ZNF503: variants seen among roughly 807,000 people sequenced by gnomAD.
The protein encoded by ZNF503 is NocA-like zinc finger 2.
Under a neutral mutation model 34.4 loss-of-function variants are expected in ZNF503, and 15 were observed. That is an observed-to-expected ratio of 0.44 (90% CI 0.29 to 0.67). The LOEUF is 0.67. Among genes scored for constraint, ZNF503 ranks in the 30% least tolerant of loss-of-function variants. ZNF503 has a pLI of 0.13. For synonymous variants in ZNF503, 580 were observed against 456.8 expected (o/e 1.27, Z -3.44); for missense variants, 1,007 against 926.8 (o/e 1.09, Z -1.12).
chr10:75,327,950 A>AATT, the ZNF503 span, among the ~76,000 whole-genome samples: 18 of 151,804 alleles, frequency 1.2e-4, no homozygotes, highest in South Asian at 6.2e-4. Flanking sequence ...AAATAATAAT[A>AATT]ATTATTATTA....
the ZNF503 span, among the ~76,000 whole-genome samples, chr10:75,350,848 C>T: frequency 6.6e-6 from 1 of 152,204 alleles, no homozygotes; most frequent in African/African-American, 2.4e-5. Context: ...GCCACCGCGT[C>T]CAGCCTGGCA....
At position 75,398,476 on chromosome 10, in the gene ZNF503, T is replaced by C. The variant is rs1589132738; in HGVS notation, c.*273A>G. 1 of 351,278 alleles carries C rather than the reference T, an allele frequency of 2.8e-6. No individual in the cohort carries two copies. Among genetic ancestry groups the C allele is most frequent in the Non-Finnish European group, 5.1e-6 (1 of 196,884 alleles). The allele number at this position is 351,278 out of a possible 1,614,324, so 21.8% of individuals were successfully genotyped here. On this transcript the variant is annotated 3_prime_UTR_variant, in exon 2 of 2. Coordinates refer to ENST00000372524, the MANE Select transcript of ZNF503 (RefSeq NM_032772.6). ...CCTCAGATGAACACTTTCTCAATTA[T>C]TTTTTCCTTTTTTTTTCTATAAAAA...
chr10:75,284,738 A>G, the ZNF503 span, among the ~76,000 whole-genome samples: 3 of 152,166 alleles, frequency 2.0e-5, no homozygotes, highest in African/African-American at 7.2e-5. Flanking sequence ...AGCGATTTCC[A>G]TGGGTGTGGT....
chr10:75,333,126 T>C, the ZNF503 span, among the ~76,000 whole-genome samples: 122 of 121,126 alleles, frequency 1.0e-3, no homozygotes, highest in African/African-American at 3.7e-3. Context: ...ACCTCCCTCC[T>C]GGACGGGGCG....
the ZNF503 span, among the ~76,000 whole-genome samples, chr10:75,285,601 GTCC>G: frequency 6.6e-6 from 1 of 152,220 alleles, no homozygotes. Context: ...ACGTGGGTGA[GTCC>G]TCCTGATTCC....
At chr10:75,390,406 TTCC>T in the ZNF503 span, among the ~76,000 whole-genome samples, 1 of 148,988 alleles carries the variant, frequency 6.7e-6, no homozygotes, top group African/African-American at 2.5e-5. Flanking sequence ...CCTCCTCCTC[TTCC>T]TTTTTCTCCT....
At chr10:75,328,896 G>T in the ZNF503 span, among the ~76,000 whole-genome samples, 3 of 151,822 alleles carry the variant, frequency 2.0e-5, no homozygotes, top group South Asian at 6.2e-4. Context: ...ACAGGCACAT[G>T]TCACCACGCC....
the ZNF503 span, among the ~76,000 whole-genome samples, chr10:75,308,488 A>C: frequency 1.3e-5 from 2 of 152,238 alleles, no homozygotes; most frequent in African/African-American, 2.4e-5. Flanking sequence ...GTCAAGAAAT[A>C]CATTTTGAGA....
chr10:75,322,289 A>G, the ZNF503 span, among the ~76,000 whole-genome samples: 19 of 151,688 alleles, frequency 1.3e-4, no homozygotes, highest in Non-Finnish European at 2.6e-4. Context: ...ATGCCCTGCT[A>G]ATTTTTTGTA....
the ZNF503 span, among the ~76,000 whole-genome samples, chr10:75,378,830 C>G: frequency 6.6e-6 from 1 of 151,942 alleles, no homozygotes; most frequent in Non-Finnish European, 1.5e-5. Flanking sequence ...AGAGGGAAGG[C>G]CCCACAAGCA....
the ZNF503 span, among the ~76,000 whole-genome samples, chr10:75,308,878 G>A: frequency 0.16 from 24,027 of 152,038 alleles, 2,132 homozygotes; most frequent in Non-Finnish European, 0.2. Flanking sequence ...GTCTCACTCC[G>A]TCACCCAGGC....
At chr10:75,331,399 G>A in the ZNF503 span, among the ~76,000 whole-genome samples, 1 of 152,228 alleles carries the variant, frequency 6.6e-6, no homozygotes, top group African/African-American at 2.4e-5. Flanking sequence ...AGTGCGGGAT[G>A]TTGAAGTCCC....
At chr10:75,397,192 T>C (rs1415468686), downstream of ZNF503, among the ~76,000 whole-genome samples, 4 of 67,170 alleles carry the variant, frequency 6.0e-5, no homozygotes, top group Admixed American at 3.2e-4. Flanking sequence ...GTCCCGACTC[T>C]GGAGGGAGGA....
chr10:75,321,234 CAG>C, the ZNF503 span, among the ~76,000 whole-genome samples: 1 of 152,098 alleles, frequency 6.6e-6, no homozygotes, highest in African/African-American at 2.4e-5. Flanking sequence ...GAGTAGATGC[CAG>C]AATTATGCTT....
the ZNF503 span, among the ~76,000 whole-genome samples, chr10:75,367,855 C>T: frequency 5.9e-5 from 9 of 152,292 alleles, no homozygotes; most frequent in East Asian, 1.7e-3. Context: ...ACTGCCACAC[C>T]TCCCCCTTAT....
Position 75,399,630 on chromosome 10 carries a change from G to A in ZNF503, c.1060C>T (p.Pro354Ser). The change falls in exon 2 of 2, where the codon CCC becomes TCC. Residue 354 changes from proline to serine, a missense_variant. Coordinates refer to ENST00000372524, the MANE Select transcript of ZNF503 (RefSeq NM_032772.6). ...CTGCCTGGGTAGGTCATACCCGCGGGAGGCAGAGGGAACACTGTCTGGCCC... is the reference window on the plus strand; with the variant it reads ...CTGCCTGGGTAGGTCATACCCGCGGAAGGCAGAGGGAACACTGTCTGGCCC... ...KPGQTVFPLP[P>S]AGMTYPGSLA... 5 of 1,598,750 alleles carry A rather than the reference G, an allele frequency of 3.1e-6. No homozygotes were observed. The highest frequency in any genetic ancestry group is 1.1e-5 in the South Asian group (1 of 91,052).
chr10:75,289,731 A>G, the ZNF503 span, among the ~76,000 whole-genome samples: 1 of 151,958 alleles, frequency 6.6e-6, no homozygotes, highest in Non-Finnish European at 1.5e-5. Flanking sequence ...GACTGCAGCT[A>G]ACTTTTGGAT....
At chr10:75,389,785 A>G in the ZNF503 span, among the ~76,000 whole-genome samples, 1 of 152,102 alleles carries the variant, frequency 6.6e-6, no homozygotes, top group African/African-American at 2.4e-5. Context: ...CAGTGGCACC[A>G]TTTGTCTTCT....
the ZNF503 span, among the ~76,000 whole-genome samples, chr10:75,346,378 TTTCTC>T: frequency 6.6e-6 from 1 of 152,008 alleles, no homozygotes; most frequent in Non-Finnish European, 1.5e-5. Flanking sequence ...CCTCTTTTCT[TTTCTC>T]TTCTCTTCTT....
Sources: allele counts gnomAD v4.1 joint callset (sites outside exome capture counted in the v4.1 genomes callset), GRCh38; gene constraint gnomAD v4.1.1; transcripts MANE v1.5; gene names NCBI Gene and HGNC (gene_info 2026-07-23, HGNC 2026-07-21).